Variants in NALF1 observed in about 807,000 individuals in gnomAD.
NALF1 encodes the protein family with sequence similarity 155 member A.
Under a neutral mutation model 48.4 loss-of-function variants are expected in NALF1, and 3 were observed. That is an observed-to-expected ratio of 0.06 (90% CI 0.03 to 0.16). The LOEUF is 0.16. Ranked by LOEUF, NALF1 falls within the 10% of genes least tolerant of loss-of-function variation. The pLI is 1.00. For synonymous variants in NALF1, 262 were observed against 245.7 expected (o/e 1.07, Z -0.62); for missense variants, 526 against 571.5 (o/e 0.92, Z 0.81).
At chr13:107,787,144 T>A in intron 1 of NALF1, among the ~76,000 whole-genome samples, 1 of 152,220 alleles carries the variant, frequency 6.6e-6, no homozygotes, top group East Asian at 1.9e-4. Flanking sequence ...TAAGATAATA[T>A]TAAACTATCA....
At chr13:107,732,009 G>A (rs184346768) in intron 1 of NALF1, among the ~76,000 whole-genome samples, 57 of 152,260 alleles carry the variant, frequency 3.7e-4, no homozygotes, top group Non-Finnish European at 7.5e-4. Flanking sequence ...ATTTAGAATT[G>A]TTGGGGCCCT....
intron 1 of NALF1, among the ~76,000 whole-genome samples, chr13:107,502,329 GCAAA>G (rs1020330072): frequency 1.3e-5 from 2 of 152,134 alleles, no homozygotes; most frequent in Non-Finnish European, 2.9e-5. Context: ...TGTAGCAAAT[GCAAA>G]CAGTCTTTCT....
chr13:107,686,689 C>T (rs377242371), intron 1 of NALF1, among the ~76,000 whole-genome samples: 2 of 152,136 alleles, frequency 1.3e-5, no homozygotes, highest in African/African-American at 4.8e-5. Flanking sequence ...GGCCCACAAT[C>T]GTGACAAAAT....
chr13:107,492,004 C>T lies in NALF1; in HGVS notation c.916-281249G>A, dbSNP rs551567563. On this transcript the variant is annotated intron_variant, in intron 1 of 2. Transcript: ENST00000375915. ...CACTCTGGTAGGCTCCAAATGTACA[C>T]GTGTTTCATTTTTACAAGCCTGTCT... Among the ~76,000 whole-genome samples the T allele has an allele frequency of 6.9e-4, 101 of 146,220 alleles. No homozygotes were observed. In the South Asian group the frequency reaches 7.6e-3, roughly 11 times the overall value.
intron 1 of NALF1, among the ~76,000 whole-genome samples, chr13:107,736,262 C>T (rs753604654): frequency 1.2e-4 from 18 of 151,928 alleles, no homozygotes; most frequent in Non-Finnish European, 1.8e-4. Context: ...TAAACAGCTG[C>T]ACTGTGTTTG....
intron 1 of NALF1, among the ~76,000 whole-genome samples, chr13:107,299,472 A>AATAATAAT (rs1344151094): frequency 0.014 from 432 of 30,020 alleles, 1 homozygote; most frequent in Middle Eastern, 0.067. Context: ...TAATAATAAT[A>AATAATAAT]AATAAATAAA....
intron 1 of NALF1, among the ~76,000 whole-genome samples, chr13:107,465,440 A>G (rs1884986602): frequency 6.6e-6 from 1 of 151,988 alleles, no homozygotes; most frequent in Non-Finnish European, 1.5e-5. Context: ...TGTTTTACCT[A>G]TCTTAGCACC....
chr13:107,267,379 T>C (rs1387305969), intron 1 of NALF1, among the ~76,000 whole-genome samples: 2 of 151,960 alleles, frequency 1.3e-5, no homozygotes, highest in Non-Finnish European at 2.9e-5. Flanking sequence ...ACATGAAAGG[T>C]TGCCAGGGAG....
At chr13:107,800,723 G>C (rs146249464) in intron 1 of NALF1, among the ~76,000 whole-genome samples, 1 of 146,782 alleles carries the variant, frequency 6.8e-6, no homozygotes, top group Non-Finnish European at 1.5e-5. Context: ...CATATAAGAT[G>C]TTATAATTAT....
In NALF1 at chr13:107,167,154, C is replaced by T. The variant is rs887581106; in HGVS notation, c.*3343G>A. The T allele has an allele frequency of 6.6e-6, 1 of 152,146 alleles. No homozygotes were observed. Among genetic ancestry groups the T allele is most frequent in the Non-Finnish European group, 1.5e-5 (1 of 68,036 alleles). The allele number at this position is 152,146 out of a possible 1,614,324, so 9.4% of individuals were successfully genotyped here. On this transcript the variant is annotated 3_prime_UTR_variant, in exon 3 of 3. Transcript: ENST00000375915. ...AATAAACAGGGAAATCTATGCCATA[C>T]ATTTATGAAACAAATATTGTTTTCT...
At position 107,316,328 on chromosome 13, in the gene NALF1, C is replaced by T. The variant is rs181599679; in HGVS notation, c.916-105573G>A. Among the ~76,000 whole-genome samples, 86 of 151,420 alleles carry T rather than the reference C, an allele frequency of 5.7e-4. 1 individual carries two copies. The East Asian group carries it at 0.015, about 27-fold the overall frequency. The stretch of plus-strand genomic sequence containing the variant: ...GACATTTGGGTTGGTTCCAAGTCTT[C>T]GCTATTGTGAATAGTGCCGCAATAA... On this transcript the variant is annotated intron_variant, in intron 1 of 2. Transcript: ENST00000375915.
At chr13:107,710,020 G>A (rs1356950851) in intron 1 of NALF1, among the ~76,000 whole-genome samples, 2 of 152,132 alleles carry the variant, frequency 1.3e-5, no homozygotes, top group African/African-American at 4.8e-5. Context: ...GGGAGGATGA[G>A]GTAGGAGAAT....
intron 1 of NALF1, among the ~76,000 whole-genome samples, chr13:107,260,314 A>G (rs1880905663): frequency 6.6e-6 from 1 of 152,198 alleles, no homozygotes; most frequent in Non-Finnish European, 1.5e-5. Context: ...TGCACTCCAG[A>G]AGACTGAGGT....
intron 1 of NALF1, among the ~76,000 whole-genome samples, chr13:107,555,866 T>TA: frequency 1.3e-5 from 2 of 152,088 alleles, no homozygotes. Context: ...TATGGTTATA[T>TA]AAAAATCAAT....
At chr13:107,404,049 C>A (rs1439809199) in intron 1 of NALF1, among the ~76,000 whole-genome samples, 1 of 152,052 alleles carries the variant, frequency 6.6e-6, no homozygotes, top group Non-Finnish European at 1.5e-5. Context: ...AGTTACAGAT[C>A]TTTCTATAAG....
intron 1 of NALF1, among the ~76,000 whole-genome samples, chr13:107,380,494 A>G (rs745866679): frequency 1.3e-5 from 2 of 152,206 alleles, no homozygotes; most frequent in Non-Finnish European, 2.9e-5. Flanking sequence ...AAGTCAAAGC[A>G]GTTTTGAGAC....
intron 1 of NALF1, among the ~76,000 whole-genome samples, chr13:107,830,724 AT>A (rs1349719259): frequency 6.6e-6 from 1 of 152,028 alleles, no homozygotes; most frequent in East Asian, 1.9e-4. Flanking sequence ...CCCTTCCCAT[AT>A]ATTTAAGCTC....
chr13:107,565,052 G>A (rs1877755816), intron 1 of NALF1, among the ~76,000 whole-genome samples: 1 of 139,908 alleles, frequency 7.1e-6, no homozygotes, highest in Non-Finnish European at 1.5e-5. Context: ...TAGGAAACAA[G>A]GGGTGATATC....
chr13:107,569,084 A>G (rs1416022187), intron 1 of NALF1, among the ~76,000 whole-genome samples: 1 of 152,160 alleles, frequency 6.6e-6, no homozygotes, highest in Non-Finnish European at 1.5e-5. Flanking sequence ...TATTTTGAGT[A>G]AGGCGTGGGA....
Sources: gnomAD v4.1 joint callset for allele counts (sites outside exome capture counted in the v4.1 genomes callset) on GRCh38, gnomAD v4.1.1 for gene constraint, MANE v1.5 for transcripts, NCBI Gene and HGNC (gene_info 2026-07-23, HGNC 2026-07-21) for gene names.